ASAP1: variants seen among roughly 807,000 people sequenced by gnomAD.
The protein encoded by ASAP1 is arf-GAP with SH3 domain, ANK repeat and PH domain-containing protein 1.
In ASAP1, 43 loss-of-function variants were observed where a neutral mutation model predicts 145.2. The observed-to-expected ratio is 0.30, with a 90% CI of 0.23 to 0.38. The LOEUF (loss-of-function observed/expected upper bound fraction) is 0.38, where lower values mean the gene tolerates loss of function less well. Among genes scored for constraint, ASAP1 ranks in the 10% least tolerant of loss-of-function variants. The pLI is 1.00. For synonymous variants in ASAP1, 546 were observed against 515.5 expected (o/e 1.06, Z -0.80); for missense variants, 1,018 against 1,355.3 (o/e 0.75, Z 3.91).
At chr8:130,431,793 C>T (rs1830142846) in intron 1 of ASAP1, among the ~76,000 whole-genome samples, 1 of 144,220 alleles carries the variant, frequency 6.9e-6, no homozygotes, top group African/African-American at 2.6e-5. Flanking sequence ...GCACTTAATA[C>T]AGAAAGACAG....
At chr8:130,133,700 CAAAA>C (rs1397989049) in intron 15 of ASAP1, among the ~76,000 whole-genome samples, 1 of 149,030 alleles carries the variant, frequency 6.7e-6, no homozygotes, top group Non-Finnish European at 1.5e-5. Context: ...AAAAAAAAAA[CAAAA>C]AACTCCAACC....
intron 7 of ASAP1, 101 bp from the exon 8 acceptor site, chr8:130,180,981 G>A: frequency 9.1e-7 from 1 of 1,101,026 alleles, no homozygotes; most frequent in Non-Finnish European, 1.3e-6. Flanking sequence ...GGGTGACGAT[G>A]TGTCTATGTA....
At chr8:130,124,156 T>C (rs2097571188) in intron 17 of ASAP1, 52 bp from the exon 18 acceptor site, 1 of 1,226,906 alleles carries the variant, frequency 8.2e-7, no homozygotes. Context: ...TTGCTACTAG[T>C]TAAAAGTCTC....
chr8:130,257,626 A>G (rs544653535), intron 3 of ASAP1, among the ~76,000 whole-genome samples: 1 of 152,304 alleles, frequency 6.6e-6, no homozygotes, highest in African/African-American at 2.4e-5. Context: ...GCTGTTGCGA[A>G]AAAAAGGGAT....
intron 2 of ASAP1, among the ~76,000 whole-genome samples, chr8:130,378,110 C>T (rs779298549): frequency 2.0e-5 from 3 of 152,208 alleles, no homozygotes; most frequent in Non-Finnish European, 4.4e-5. Flanking sequence ...CCTTGCTCTA[C>T]TACTGACTAT....
At chr8:130,359,189 A>G (rs1031787774) in intron 2 of ASAP1, among the ~76,000 whole-genome samples, 1 of 152,104 alleles carries the variant, frequency 6.6e-6, no homozygotes, top group Non-Finnish European at 1.5e-5. Context: ...TAAAAAAAAT[A>G]ATTTTCTAAT....
chr8:130,229,291 C>T (rs1194469624), intron 4 of ASAP1, among the ~76,000 whole-genome samples: 1 of 152,158 alleles, frequency 6.6e-6, no homozygotes, highest in Non-Finnish European at 1.5e-5. Context: ...AAACTAAACA[C>T]ACACATATGA....
At chr8:130,242,205 A>G (rs1412669191) in intron 3 of ASAP1, among the ~76,000 whole-genome samples, 1 of 141,932 alleles carries the variant, frequency 7.0e-6, no homozygotes, top group Non-Finnish European at 1.5e-5. Context: ...AAACACTTGG[A>G]GCAGTGACAG....
intron 4 of ASAP1, among the ~76,000 whole-genome samples, chr8:130,217,562 AT>A (rs1160530363): frequency 2.0e-5 from 3 of 151,902 alleles, no homozygotes; most frequent in Non-Finnish European, 2.9e-5. Context: ...ACACACACAG[AT>A]CTTTTCCTAC....
chr8:130,313,984 C>T (rs564525542), intron 3 of ASAP1, among the ~76,000 whole-genome samples: 1 of 152,206 alleles, frequency 6.6e-6, no homozygotes, highest in Non-Finnish European at 1.5e-5. Flanking sequence ...CACCCCTAGG[C>T]TGGCAAGCAG....
intron 1 of ASAP1, among the ~76,000 whole-genome samples, chr8:130,407,708 T>C (rs1416744733): frequency 2.0e-5 from 3 of 152,232 alleles, no homozygotes; most frequent in East Asian, 3.8e-4. Flanking sequence ...AGTTTGTCAG[T>C]CAGGACAGGA....
At chr8:130,185,407 C>A (rs1814647014) in intron 7 of ASAP1, among the ~76,000 whole-genome samples, 2 of 151,990 alleles carry the variant, frequency 1.3e-5, no homozygotes, top group Admixed American at 1.3e-4. Flanking sequence ...TGGTCTTCAC[C>A]AAATTTAGAT....
At chr8:130,124,264 T>A (rs2097571361) in intron 17 of ASAP1, among the ~76,000 whole-genome samples, 160 bp from the exon 18 acceptor site, 1 of 152,230 alleles carries the variant, frequency 6.6e-6, no homozygotes, top group Non-Finnish European at 1.5e-5. Context: ...TTACTGAGCA[T>A]CTACTACGTG....
intron 25 of ASAP1, among the ~76,000 whole-genome samples, chr8:130,086,432 C>T (rs977498537): frequency 3.3e-5 from 5 of 152,192 alleles, no homozygotes; most frequent in Admixed American, 1.3e-4. Flanking sequence ...TAAAATATTA[C>T]GTACGTAGTT....
chr8:130,164,192 T>C (rs898401623), intron 11 of ASAP1, among the ~76,000 whole-genome samples: 1 of 152,200 alleles, frequency 6.6e-6, no homozygotes, highest in South Asian at 2.1e-4. Flanking sequence ...CAAACGATAA[T>C]GTGATGGGGT....
intron 3 of ASAP1, among the ~76,000 whole-genome samples, chr8:130,248,579 T>A (rs1819001155): frequency 6.6e-6 from 1 of 152,108 alleles, no homozygotes. Flanking sequence ...CTCTAGGGTT[T>A]TAGAACAAAG....
intron 27 of ASAP1, chr8:130,069,523 C>A (rs1274448783): frequency 6.6e-6 from 1 of 152,198 alleles, no homozygotes; most frequent in Non-Finnish European, 1.5e-5. Context: ...AGGCATGAGC[C>A]ACTGCGCTTA....
chr8:130,300,141 CACACACACACACAGAGAGAG>C (rs1368825780), intron 3 of ASAP1, among the ~76,000 whole-genome samples: 10 of 117,866 alleles, frequency 8.5e-5, no homozygotes, highest in Non-Finnish European at 1.5e-4. Context: ...CACACACACA[CACACACACACACAGAGAGAG>C]AGAGAGAGAG....
intron 3 of ASAP1, among the ~76,000 whole-genome samples, chr8:130,342,428 A>T (rs760934679): frequency 6.6e-6 from 1 of 152,186 alleles, no homozygotes; most frequent in African/African-American, 2.4e-5. Context: ...AACCCAGCAC[A>T]TTCTACCAAG....
Sources: gnomAD v4.1 joint callset for allele counts (sites outside exome capture counted in the v4.1 genomes callset) on GRCh38, gnomAD v4.1.1 for gene constraint, MANE v1.5 for transcripts, NCBI Gene and HGNC (gene_info 2026-07-23, HGNC 2026-07-21) for gene names.